Variants in KCNH5 observed in about 807,000 individuals in gnomAD.
KCNH5 encodes voltage-gated delayed rectifier potassium channel KCNH5.
In KCNH5, 46 loss-of-function variants were observed where a neutral mutation model predicts 96.1. The ratio of observed to expected loss-of-function variants is 0.48; its 90% CI spans 0.38 to 0.61. The LOEUF (loss-of-function observed/expected upper bound fraction) is 0.61. Ranked by LOEUF, KCNH5 falls within the 20% of genes least tolerant of loss-of-function variation. The pLI, the probability that KCNH5 is intolerant of heterozygous loss-of-function variation, is 0.00. For synonymous variants in KCNH5, 439 were observed against 449.8 expected (o/e 0.98, Z 0.30); for missense variants, 907 against 1,225.8 (o/e 0.74, Z 3.88).
At chr14:62,929,368 C>T (rs1889537419) in intron 7 of KCNH5, among the ~76,000 whole-genome samples, 1 of 152,054 alleles carries the variant, frequency 6.6e-6, no homozygotes, top group African/African-American at 2.4e-5. Flanking sequence ...CTTTCTCCAT[C>T]CCACCTTGTA....
At chr14:62,718,872 G>A (rs1317336961) in intron 10 of KCNH5, among the ~76,000 whole-genome samples, 1 of 152,048 alleles carries the variant, frequency 6.6e-6, no homozygotes, top group Admixed American at 6.5e-5. Flanking sequence ...CTATTCAGCC[G>A]CAAAAAGAAA....
At chr14:62,985,685 T>C (rs1890693196) in intron 5 of KCNH5, among the ~76,000 whole-genome samples, 1 of 152,152 alleles carries the variant, frequency 6.6e-6, no homozygotes, top group Admixed American at 6.5e-5. Context: ...TTTTTCTCCT[T>C]AGTCTCAGGG....
intron 10 of KCNH5, among the ~76,000 whole-genome samples, chr14:62,758,220 A>G (rs1885668388): frequency 6.6e-6 from 1 of 152,072 alleles, no homozygotes; most frequent in African/African-American, 2.4e-5. Flanking sequence ...TATAGTCAGT[A>G]GTAATTTAAT....
At chr14:62,804,337 A>G (rs967129008) in intron 8 of KCNH5, among the ~76,000 whole-genome samples, 1 of 152,208 alleles carries the variant, frequency 6.6e-6, no homozygotes, top group African/African-American at 2.4e-5. Context: ...GTTATTTTCT[A>G]TAAGGCAATG....
At chr14:62,805,578 T>C (rs1352749493) in intron 8 of KCNH5, among the ~76,000 whole-genome samples, 3 of 152,160 alleles carry the variant, frequency 2.0e-5, no homozygotes, top group African/African-American at 7.2e-5. Flanking sequence ...TTAATCACAG[T>C]CTTAGCCAAG....
At chr14:62,725,691 T>C (rs1176877564) in intron 10 of KCNH5, among the ~76,000 whole-genome samples, 1 of 152,202 alleles carries the variant, frequency 6.6e-6, no homozygotes, top group Non-Finnish European at 1.5e-5. Flanking sequence ...GTCATGTCTA[T>C]GGTTTGGAAG....
chr14:62,837,592 A>G lies in KCNH5; in HGVS notation c.1569+12061T>C, dbSNP rs567272577. Among the ~76,000 whole-genome samples, 80 of 152,340 alleles carry G rather than the reference A, an allele frequency of 5.3e-4. 1 individual carries two copies. The highest frequency in any genetic ancestry group is 1.8e-3 in the African/African-American group (74 of 41,588). ...TCTCTAACAGAAAACTTAAATGATG[A>G]TGAAGCATTAATCCTTAATAGTAAA... On this transcript the variant is annotated intron_variant, in intron 8 of 10. Coordinates refer to ENST00000322893, the MANE Select transcript of KCNH5 (RefSeq NM_139318.5).
chr14:62,820,567 C>T (rs1887094132), intron 8 of KCNH5, among the ~76,000 whole-genome samples: 1 of 151,960 alleles, frequency 6.6e-6, no homozygotes, highest in Admixed American at 6.6e-5. Context: ...TTTAGCTCTC[C>T]CTTATAAGTG....
At chr14:62,860,463 T>C (rs1180120514) in intron 7 of KCNH5, among the ~76,000 whole-genome samples, 1 of 152,236 alleles carries the variant, frequency 6.6e-6, no homozygotes, top group African/African-American at 2.4e-5. Context: ...TTAAAAACTA[T>C]CTGGGCAATA....
At chr14:63,033,833 G>A (rs1390875996) in intron 1 of KCNH5, among the ~76,000 whole-genome samples, 3 of 151,754 alleles carry the variant, frequency 2.0e-5, no homozygotes, top group Non-Finnish European at 4.4e-5. Flanking sequence ...AAAAGGAGGG[G>A]GTGGGTGTTG....
intron 4 of KCNH5, among the ~76,000 whole-genome samples, chr14:63,001,034 C>G (rs1052945250): frequency 2.0e-5 from 3 of 152,088 alleles, no homozygotes; most frequent in African/African-American, 7.2e-5. Flanking sequence ...GAAATGACAC[C>G]ACTACACTCC....
chr14:62,712,752 T>C (rs771784158), intron 10 of KCNH5: 1 of 771,432 alleles, frequency 1.3e-6, no homozygotes, highest in African/African-American at 1.7e-5. Context: ...TGAAGCTGTA[T>C]ACTTGCTGGG....
At chr14:62,837,595 A>C (rs1351807750) in intron 8 of KCNH5, among the ~76,000 whole-genome samples, 2 of 152,230 alleles carry the variant, frequency 1.3e-5, no homozygotes, top group South Asian at 2.1e-4. Context: ...AATGATGATG[A>C]AGCATTAATC....
At chr14:62,983,310 G>A (rs1382181781) in intron 5 of KCNH5, among the ~76,000 whole-genome samples, 6 of 151,324 alleles carry the variant, frequency 4.0e-5, no homozygotes, top group African/African-American at 1.5e-4. Context: ...GGAGGCAGAG[G>A]TTCCAGTGAG....
chr14:62,815,856 C>T (rs564883621), intron 8 of KCNH5, among the ~76,000 whole-genome samples: 28 of 151,676 alleles, frequency 1.8e-4, no homozygotes, highest in Non-Finnish European at 3.0e-4. Flanking sequence ...ATTATTTATA[C>T]AATTTAAGAC....
intron 7 of KCNH5, among the ~76,000 whole-genome samples, chr14:62,861,388 G>T (rs1888029798): frequency 6.6e-6 from 1 of 151,642 alleles, no homozygotes; most frequent in Non-Finnish European, 1.5e-5. Flanking sequence ...TCCCACCTTA[G>T]CTTCCAGAGT....
chr14:63,005,900 T>A (rs1245571693), intron 3 of KCNH5, among the ~76,000 whole-genome samples: 1 of 152,094 alleles, frequency 6.6e-6, no homozygotes, highest in African/African-American at 2.4e-5. Flanking sequence ...CACAAAAGAG[T>A]CTGAGGCTGG....
In KCNH5 at chr14:63,016,867, T is replaced by C; in HGVS notation, c.161A>G (p.His54Arg). 1 of 1,611,878 alleles carries C rather than the reference T, an allele frequency of 6.2e-7. No individual in the cohort carries two copies. Among genetic ancestry groups the C allele is most frequent in the South Asian group, 1.1e-5 (1 of 90,862 alleles). Residue 54 changes from histidine to arginine, a missense_variant, in exon 2 of 11, where the codon CAT (histidine) becomes CGT (arginine). By Grantham distance (29) the His-to-Arg change is conservative. Transcript: ENST00000322893. ...GCTTTTCTGCATGACGTCAGCTCGA[T>C]GATATCCAGAGAGTTTACAAAAACC... is the stretch of plus-strand genomic sequence containing the variant. ...NDGFCKLSGY[H>R]RADVMQKSST...
chr14:62,740,447 C>A (rs1372533776), intron 10 of KCNH5, among the ~76,000 whole-genome samples: 1 of 152,208 alleles, frequency 6.6e-6, no homozygotes, highest in East Asian at 1.9e-4. Context: ...CTCCTGCTGT[C>A]CAGCCCCTGC....
Sources: allele counts gnomAD v4.1 joint callset (sites outside exome capture counted in the v4.1 genomes callset), GRCh38; gene constraint gnomAD v4.1.1; transcripts MANE v1.5; gene names NCBI Gene and HGNC (gene_info 2026-07-23, HGNC 2026-07-21).